The following NELL1 variants were observed in gnomAD, a reference collection of about 807,000 sequenced individuals.
NELL1 encodes protein kinase C-binding protein NELL1.
NELL1 carries 76 observed loss-of-function variants against 107.4 expected under a neutral mutation model. That is an observed-to-expected ratio of 0.71 (90% confidence interval 0.59 to 0.86). NELL1 has a LOEUF of 0.86. Ranked by LOEUF, NELL1 falls within the 40% of genes least tolerant of loss-of-function variation. The probability of loss-of-function intolerance (pLI) is 0.00; values close to 1 mark genes in which losing one functional copy is unlikely to be tolerated. For missense variants in NELL1, 1,024 were observed against 1,005.5 expected, an observed-to-expected ratio of 1.02 and a Z score of -0.25; for synonymous variants, 353 against 341.2, an observed-to-expected ratio of 1.03 and a Z score of -0.38.
At chr11:21,207,740 C>T (rs1274213985) in intron 13 of NELL1, among the ~76,000 whole-genome samples, 5 of 152,156 alleles carry the variant, frequency 3.3e-5, no homozygotes, top group Admixed American at 3.3e-4. Flanking sequence ...GTATCATTGT[C>T]TGTATTTTAC....
chr11:21,324,856 A>T (rs945702547), intron 14 of NELL1, among the ~76,000 whole-genome samples: 2 of 151,896 alleles, frequency 1.3e-5, no homozygotes, highest in African/African-American at 4.8e-5. Flanking sequence ...GAAAACACTG[A>T]CTCTTCACTG....
At chr11:20,679,376 T>C (rs76736354) in intron 2 of NELL1, among the ~76,000 whole-genome samples, 6,466 of 152,262 alleles carry the variant, frequency 0.042, 488 homozygotes, top group African/African-American at 0.15. Context: ...CAGCCTTTTA[T>C]GATGATAACA....
chr11:20,707,818 G>A (rs1198776443), intron 2 of NELL1, among the ~76,000 whole-genome samples: 1 of 152,226 alleles, frequency 6.6e-6, no homozygotes, highest in Non-Finnish European at 1.5e-5. Context: ...GAGGCAGTCT[G>A]TCCATTCTCA....
intron 12 of NELL1, among the ~76,000 whole-genome samples, chr11:20,994,480 A>G (rs1262709015): frequency 1.3e-5 from 2 of 152,230 alleles, no homozygotes; most frequent in African/African-American, 4.8e-5. Context: ...AATCAGCTAA[A>G]AGCTATACTT....
chr11:21,346,321 C>T (rs1850682161), intron 14 of NELL1, among the ~76,000 whole-genome samples: 1 of 151,944 alleles, frequency 6.6e-6, no homozygotes, highest in South Asian at 2.1e-4. Flanking sequence ...GAGTACTTCC[C>T]ACCAGCCCCA....
At chr11:20,700,391 A>G (rs539098773) in intron 2 of NELL1, among the ~76,000 whole-genome samples, 183 of 152,228 alleles carry the variant, frequency 1.2e-3, no homozygotes, top group African/African-American at 4.3e-3. Flanking sequence ...AGGCAGGAGA[A>G]TTGCTTGAAC....
At chr11:21,496,405 C>CTTTTTTTTTTTTTTTTTTT in intron 15 of NELL1, among the ~76,000 whole-genome samples, 1 of 141,254 alleles carries the variant, frequency 7.1e-6, no homozygotes. Flanking sequence ...TTATTCTTCT[C>CTTTTTTTTTTTTTTTTTTT]TTGTTTTTTT....
At chr11:20,990,000 A>T (rs1417724332) in intron 12 of NELL1, among the ~76,000 whole-genome samples, 1 of 151,750 alleles carries the variant, frequency 6.6e-6, no homozygotes, top group Non-Finnish European at 1.5e-5. Flanking sequence ...CCGTCTCAAA[A>T]AAAAAAAAAA....
intron 10 of NELL1, among the ~76,000 whole-genome samples, chr11:20,939,358 G>T (rs4923183): frequency 0.61 from 92,366 of 151,120 alleles, 30,631 homozygotes; most frequent in Non-Finnish European, 0.74. Flanking sequence ...CAGAAGGCCA[G>T]ACCAGGCTTG....
Position 21,509,631 on chromosome 11 carries a change from A to G in NELL1, c.1646-24743A>G, listed in dbSNP as rs539475910. On this transcript the variant is annotated intron_variant, in intron 15 of 19. Transcript: ENST00000357134. ...TCATTTTAAAAGGTAAAATTACACT[A>G]TATGTTATTTAGGGATTCATACATA... Among the ~76,000 whole-genome samples the G allele has an allele frequency of 2.6e-5, 4 of 152,330 alleles. No homozygotes were observed. The East Asian group carries it at 5.8e-4, about 22-fold the overall frequency.
At chr11:20,830,022 C>T (rs1476179960) in intron 3 of NELL1, among the ~76,000 whole-genome samples, 1 of 151,974 alleles carries the variant, frequency 6.6e-6, no homozygotes, top group Non-Finnish European at 1.5e-5. Flanking sequence ...GCCTGTAATC[C>T]CCCCACCTTG....
At chr11:21,181,416 A>G (rs1358638651) in intron 13 of NELL1, among the ~76,000 whole-genome samples, 1 of 151,910 alleles carries the variant, frequency 6.6e-6, no homozygotes, top group Non-Finnish European at 1.5e-5. Context: ...GCTGCTGTTT[A>G]TTGAATGCCT....
At chr11:20,805,594 G>A (rs1388881166) in intron 3 of NELL1, among the ~76,000 whole-genome samples, 6 of 152,064 alleles carry the variant, frequency 3.9e-5, no homozygotes, top group South Asian at 2.1e-4. Context: ...ATCTTGGCTC[G>A]CTGCAGGCTC....
chr11:21,284,557 C>CA (rs1849072223), intron 14 of NELL1: 1 of 457,344 alleles, frequency 2.2e-6, no homozygotes, highest in African/African-American at 2.0e-5. Flanking sequence ...GAGAATGCCA[C>CA]AATGCAGTGA....
chr11:21,048,845 A>G (rs558006644), intron 12 of NELL1, among the ~76,000 whole-genome samples: 1 of 151,728 alleles, frequency 6.6e-6, no homozygotes, highest in African/African-American at 2.4e-5. Flanking sequence ...GCTGCCCTTT[A>G]TTGTTCCAGC....
chr11:21,392,888 G>A (rs1423188741), intron 15 of NELL1, among the ~76,000 whole-genome samples: 3 of 151,634 alleles, frequency 2.0e-5, no homozygotes, highest in African/African-American at 7.3e-5. Context: ...GACCAATAGA[G>A]CATTATTTAA....
intron 5 of NELL1, among the ~76,000 whole-genome samples, chr11:20,896,546 C>G (rs984842518): frequency 2.0e-5 from 3 of 152,128 alleles, no homozygotes; most frequent in Admixed American, 6.5e-5. Flanking sequence ...TAAAGAATCT[C>G]CATACTGTTT....
intron 13 of NELL1, among the ~76,000 whole-genome samples, chr11:21,150,531 G>A (rs1468256648): frequency 6.6e-6 from 1 of 152,150 alleles, no homozygotes; most frequent in African/African-American, 2.4e-5. Flanking sequence ...GGGGGTGGGT[G>A]AGCCCTGACT....
intron 4 of NELL1, among the ~76,000 whole-genome samples, chr11:20,853,434 T>C (rs1848826616): frequency 1.3e-5 from 2 of 152,198 alleles, no homozygotes; most frequent in South Asian, 2.1e-4. Context: ...AATTTTCTCA[T>C]TCATTCATTC....
Sources: allele counts gnomAD v4.1 joint callset (sites outside exome capture counted in the v4.1 genomes callset), GRCh38; gene constraint gnomAD v4.1.1; transcripts MANE v1.5; gene names NCBI Gene and HGNC (gene_info 2026-07-23, HGNC 2026-07-21).